OXA1L: variants seen among roughly 807,000 people sequenced by gnomAD.
OXA1L encodes the protein mitochondrial inner membrane protein OXA1L.
In OXA1L, 42 loss-of-function variants were observed where a neutral mutation model predicts 52.2. The observed-to-expected ratio is 0.80, with a 90% CI of 0.63 to 1.04. OXA1L has a LOEUF of 1.04. OXA1L is among the 50% of genes least tolerant of loss of function. OXA1L has a pLI of 0.00. For missense variants in OXA1L, 572 were observed against 555.0 expected, an observed-to-expected ratio of 1.03 and a Z score of -0.31; for synonymous variants, 239 against 201.9, an observed-to-expected ratio of 1.18 and a Z score of -1.56.
rs1189126438 is a variant in OXA1L, at chr14:22,766,710, G to A, written c.9G>A (p.Met3Ile). 6.2e-7 allele frequency: 1 copy of A among 1,614,274 alleles called. No individual in the cohort carries two copies. The highest frequency in any genetic ancestry group is 1.7e-5 in the Admixed American group (1 of 60,036). Residue 3 changes from methionine (M) to isoleucine (I), a missense_variant, in exon 1 of 10, where the codon ATG becomes ATA. Physicochemically the swap from Met to Ile is conservative, Grantham distance 10. Coordinates refer to ENST00000612549, the MANE Select transcript of OXA1L (RefSeq NM_005015.5). ...GTCCTCTTCCGGGCAAAATGGCGAT[G>A]GGACTAATGTGCGGACGCCGGGAGC... MAMGLMCGRRELL... is the reference protein window; with the variant it reads MAIGLMCGRRELL...
rs375270103 is a variant in OXA1L, at chr14:22,771,077, C to T, written c.999C>T (p.Leu333=). 3 of 1,614,066 alleles carry T rather than the reference C, an allele frequency of 1.9e-6. No homozygotes were observed. The African/African-American group carries it at 4.0e-5, about 22-fold the overall frequency. ...TTTCCCTGGTCCAAGTATCCTGTCTCCGGATTCCAGCAGTACGCACTGTAC... is the reference window on the plus strand; with the variant it reads ...TTTCCCTGGTCCAAGTATCCTGTCTTCGGATTCCAGCAGTACGCACTGTAC... ...NLFSLVQVSC[L]RIPAVRTVLK... The change falls in exon 8 of 10, where the codon CTC becomes CTT. Residue 333 remains leucine (L), a synonymous_variant. Coordinates refer to ENST00000612549, the MANE Select transcript of OXA1L (RefSeq NM_005015.5).
chr14:22,767,016 T>C, intron 1 of OXA1L: 1 of 1,535,720 alleles, frequency 6.5e-7, no homozygotes, highest in Non-Finnish European at 8.7e-7. Context: ...GGCCCTCCGA[T>C]GTGGGTCTGC....
rs757628271 is a variant in OXA1L at position 22,770,856 on chromosome 14, G to A, written c.886G>A (p.Val296Ile). 6.2e-7 allele frequency: 1 copy of A among 1,614,210 alleles called. No individual in the cohort carries two copies. Residue 296 changes from valine to isoleucine, a missense_variant, in exon 7 of 10, where the codon GTC becomes ATC. Val to Ile is a conservative substitution (Grantham distance 29). Coordinates refer to ENST00000612549, the MANE Select transcript of OXA1L (RefSeq NM_005015.5). Reference protein sequence around the residue: ...QSSDLQWMRNVIRMMPLITLP... With the variant: ...QSSDLQWMRNIIRMMPLITLP... ...TTCTGACCTTCAGTGGATGAGAAAT[G>A]TCATCAGAATGATGCCCCTGATAAC...
At chr14:22,768,614 A>G in intron 3 of OXA1L, 1 of 187,132 alleles carries the variant, frequency 5.3e-6, no homozygotes, top group Non-Finnish European at 1.2e-5. Flanking sequence ...TTCCCTCCTC[A>G]CTGCCCTACC....
intron 4 of OXA1L, 58 bp downstream of exon 4, chr14:22,769,992 T>G: frequency 6.3e-7 from 1 of 1,589,324 alleles, no homozygotes; most frequent in Non-Finnish European, 8.6e-7. Context: ...TTCCTTACAT[T>G]CTGCTGGGGG....
chr14:22,769,829 G>T lies in OXA1L; in HGVS notation c.478G>T (p.Val160Leu). The change falls in exon 4 of 10, where the codon GTG becomes TTG. Residue 160 changes from valine (V) to leucine (L), a missense_variant. Val to Leu is a conservative substitution (Grantham distance 32, BLOSUM62 1). This residue lies in a region of OXA1L where 132 missense variants were observed against 124.0 expected (regional missense o/e 1.06). Transcript: ENST00000612549. The part of the protein sequence containing the change: ...FARCLIFPLI[V>L]TGQREAARIH... ...CCGCTGCCTGATTTTTCCTCTCATC[G>T]TGACGGGCCAGCGAGAGGCAGCCAG... 6.2e-7 allele frequency: 1 copy of T among 1,614,068 alleles called. No individual in the cohort carries two copies. Among genetic ancestry groups the T allele is most frequent in the South Asian group, 1.1e-5 (1 of 91,078 alleles).
intron 6 of OXA1L, 29 bp downstream of exon 6, chr14:22,770,654 C>G: frequency 6.2e-7 from 1 of 1,604,782 alleles, no homozygotes; most frequent in Non-Finnish European, 8.5e-7. Context: ...AGTGCCAGGC[C>G]TGCAAAGTGA....
intron 9 of OXA1L, 29 bp from the exon 10 acceptor site, chr14:22,771,405 T>A: frequency 4.3e-6 from 7 of 1,614,004 alleles, no homozygotes; most frequent in Non-Finnish European, 5.9e-6. Context: ...CTGTTCTTCG[T>A]TGAAATTTGT....
chr14:22,770,919 G>A lies in OXA1L; in HGVS notation c.939+10G>A, dbSNP rs367751535. 6.2e-7 allele frequency: 1 copy of A among 1,613,168 alleles called. No individual in the cohort carries two copies. The highest frequency in any genetic ancestry group is 1.3e-5 in the African/African-American group (1 of 74,914). On this transcript the variant is annotated intron_variant, in intron 7 of 9. Transcript: ENST00000612549. ...CATGCATTTCCCCACGGTATGTAAT[G>A]CCTTATGGGCTGGCTCCAAGGCCTT...
rs1440701839 is a variant in OXA1L at position 22,771,015 on chromosome 14, C to T, written c.940-3C>T. The stretch of plus-strand genomic sequence containing the variant: ...TGAGTCCCTTCTCTGTGTTCTCACC[C>T]AGGCAGTGTTTATGTACTGGCTCTC... On this transcript the variant is annotated splice_region_variant and splice_polypyrimidine_tract_variant and intron_variant, in intron 7 of 9. Transcript: ENST00000612549. 6.2e-7 allele frequency: 1 copy of T among 1,614,154 alleles called. No homozygotes were observed. Among genetic ancestry groups the T allele is most frequent in the South Asian group, 1.1e-5 (1 of 91,076 alleles).
At chr14:22,769,507 A>C (rs753117745) in intron 3 of OXA1L, among the ~76,000 whole-genome samples, 2 of 152,212 alleles carry the variant, frequency 1.3e-5, no homozygotes, top group African/African-American at 2.4e-5. Context: ...CCAGTAACAT[A>C]ATTGCTAAAT....
rs33950046 is a variant in OXA1L at position 22,772,320 on chromosome 14, TA to T, written c.*781del. ...CAACATGGTGAAACCCCGTCTCTAC[TA>T]AAAAAAAAAAAAAAAAAATTAGCCG... is the stretch of plus-strand genomic sequence containing the variant. On this transcript the variant is annotated 3_prime_UTR_variant, in exon 10 of 10. Transcript: ENST00000612549. 32,581 of 127,862 alleles carry T rather than the reference TA, an allele frequency of 0.25. 4,154 individuals are homozygous for T. The highest frequency in any genetic ancestry group is 0.37 in the Middle Eastern group (84 of 228). 7.9% of individuals were successfully genotyped at this position (127,862 alleles called of 1,614,324 possible). A position where few individuals can be genotyped will look rare whatever the true frequency, so the allele number is the denominator to read the frequency against.
rs781022320 is a variant in OXA1L at position 22,769,860 on chromosome 14, A to G, written c.509A>G (p.His170Arg). The G allele has an allele frequency of 7.4e-6, 12 of 1,614,070 alleles. No individual in the cohort carries two copies. Among genetic ancestry groups the G allele is most frequent in the Admixed American group, 1.7e-5 (1 of 60,014 alleles). Residue 170 changes from histidine to arginine, a missense_variant, in exon 4 of 10, where the codon CAC becomes CGC. By Grantham distance (29) the His-to-Arg change is conservative. Coordinates refer to ENST00000612549, the MANE Select transcript of OXA1L (RefSeq NM_005015.5). ...GGCCAGCGAGAGGCAGCCAGGATCC[A>G]CAATCACTTGCCAGAGATCCAGAAG... Reference protein sequence around the residue: ...VTGQREAARIHNHLPEIQKFS... With the variant: ...VTGQREAARIRNHLPEIQKFS...
intron 5 of OXA1L, 61 bp from the exon 6 acceptor site, chr14:22,770,400 T>G (rs900534902): frequency 8.2e-6 from 13 of 1,582,510 alleles, no homozygotes; most frequent in South Asian, 6.7e-5. Context: ...CTTTCAGTAG[T>G]GGGGTGATGA....
In OXA1L at chr14:22,770,216, G is replaced by A. The variant is rs1443726626; in HGVS notation, c.607G>A (p.Ala203Thr). The change falls in exon 5 of 10, where the codon GCA becomes ACA. Residue 203 changes from alanine to threonine, a missense_variant. By Grantham distance (58) the Ala-to-Thr change is moderately conservative. Coordinates refer to ENST00000612549, the MANE Select transcript of OXA1L (RefSeq NM_005015.5). The stretch of plus-strand genomic sequence containing the variant: ...AGATTACAAGGCTTCCTCGGAGATG[G>A]CACTTTACCAGAAAAAACATGGTAT... ...IEYYKASSEM[A>T]LYQKKHGIKL... 1.2e-6 allele frequency: 2 copies of A among 1,611,724 alleles called. No individual in the cohort carries two copies. The highest frequency in any genetic ancestry group is 1.7e-5 in the Admixed American group (1 of 59,988).
rs10135815 is a variant in OXA1L, at chr14:22,772,251, A to G, written c.*693A>G. On this transcript the variant is annotated 3_prime_UTR_variant, in exon 10 of 10. Transcript: ENST00000612549. ...GTAATCCCAGCACTTTTGGGAGGCC[A>G]AGGCGGGCGGATCACGAAGTCAGCA... The G allele has an allele frequency of 0.077, 11,656 of 151,110 alleles. 554 individuals are homozygous for G. The highest frequency in any genetic ancestry group is 0.14 in the South Asian group (660 of 4,766). The allele number at this position is 151,110 out of a possible 1,614,324, so 9.4% of individuals were successfully genotyped here. A position where few individuals can be genotyped will look rare whatever the true frequency, so the allele number is the denominator to read the frequency against.
chr14:22,769,861 C>T lies in OXA1L; in HGVS notation c.510C>T (p.His170=), dbSNP rs2038442688. Residue 170 remains histidine, a synonymous_variant, in exon 4 of 10, where the codon CAC becomes CAT. Coordinates refer to ENST00000612549, the MANE Select transcript of OXA1L (RefSeq NM_005015.5). Reference sequence around the variant, plus strand: ...GCCAGCGAGAGGCAGCCAGGATCCACAATCACTTGCCAGAGATCCAGAAGT... The same window carrying T: ...GCCAGCGAGAGGCAGCCAGGATCCATAATCACTTGCCAGAGATCCAGAAGT... The part of the protein sequence containing the change: ...VTGQREAARI[H]NHLPEIQKFS... The T allele has an allele frequency of 6.2e-7, 1 of 1,614,172 alleles. No individual in the cohort carries two copies. Among genetic ancestry groups the T allele is most frequent in the Admixed American group, 1.7e-5 (1 of 60,026 alleles).
chr14:22,770,339 TTCA>T lies in OXA1L; in HGVS notation c.669+63_669+65del, dbSNP rs371002930. The T allele has an allele frequency of 1.3e-3, 1,922 of 1,530,026 alleles. 27 individuals carry two copies. In the South Asian group the frequency reaches 0.017, roughly 14 times the overall value. 94.8% of individuals were successfully genotyped at this position (1,530,026 alleles called of 1,614,324 possible). A position where few individuals can be genotyped will look rare whatever the true frequency, so the allele number is the denominator to read the frequency against. On this transcript the variant is annotated intron_variant, in intron 5 of 9. Transcript: ENST00000612549. ...TACCCATGAAATTTCCTCTCTGTGT[TTCA>T]TGTGTCCCAGGTCCCCCAAAAAACA...
chr14:22,770,456 A>AAT lies in OXA1L; in HGVS notation c.670-3_670-2dup. The AAT allele has an allele frequency of 6.2e-7, 1 of 1,612,434 alleles. No homozygotes were observed. Among genetic ancestry groups the AAT allele is most frequent in the African/African-American group, 1.3e-5 (1 of 75,024 alleles). Reference sequence around the variant, plus strand: ...CATGCTGACACTGTTTATCTTGTGTAATAGGCCCCAATCTTCATCTCCTTC... The same window carrying AAT: ...CATGCTGACACTGTTTATCTTGTGTAATATAGGCCCCAATCTTCATCTCCTTC... On this transcript the variant is annotated splice_region_variant and splice_polypyrimidine_tract_variant and intron_variant, in intron 5 of 9. Coordinates refer to ENST00000612549, the MANE Select transcript of OXA1L (RefSeq NM_005015.5).
Sources: gnomAD v4.1 joint callset for allele counts (sites outside exome capture counted in the v4.1 genomes callset) on GRCh38, gnomAD v4.1.1 for gene constraint, gnomAD v4.1.1 regional missense constraint, MANE v1.5 for transcripts, NCBI Gene and HGNC (gene_info 2026-07-23, HGNC 2026-07-21) for gene names.